The following DHCR24 variants were observed in gnomAD, a reference collection of about 807,000 sequenced individuals.
DHCR24 encodes the protein 24-dehydrocholesterol reductase.
A neutral mutation model predicts 61.2 loss-of-function variants in DHCR24; 28 were observed. The observed-to-expected ratio is 0.46, with a 90% CI of 0.34 to 0.63. The LOEUF is 0.63. Among genes scored for constraint, DHCR24 ranks in the 20% least tolerant of loss-of-function variants. The pLI is 0.01. For missense variants in DHCR24, 538 were observed against 679.1 expected (o/e 0.79, Z 2.31); for synonymous variants, 261 against 275.9 (o/e 0.95, Z 0.54).
At chr1:54,861,517 C>T (rs1471673785) in intron 6 of DHCR24, among the ~76,000 whole-genome samples, 1 of 152,164 alleles carries the variant, frequency 6.6e-6, no homozygotes, top group Non-Finnish European at 1.5e-5. Flanking sequence ...CCCAGGGCAT[C>T]CTGTCCACCA....
At chr1:54,877,367 TCTA>T (rs1161498669) in intron 2 of DHCR24, among the ~76,000 whole-genome samples, 1 of 128,734 alleles carries the variant, frequency 7.8e-6, no homozygotes, top group Non-Finnish European at 1.7e-5. Context: ...CCCTTGGACT[TCTA>T]CTTCTAGCCG....
chr1:54,870,621 A>G (rs945156631), intron 5 of DHCR24, among the ~76,000 whole-genome samples: 1 of 152,234 alleles, frequency 6.6e-6, no homozygotes, highest in Non-Finnish European at 1.5e-5. Context: ...TAATGACAAG[A>G]AAAAAAGTCT....
At chr1:54,874,998 G>A in intron 4 of DHCR24, 95 bp downstream of exon 4, 1 of 1,054,252 alleles carries the variant, frequency 9.5e-7, no homozygotes, top group African/African-American at 1.6e-5. Context: ...ACAGGTACTG[G>A]GAATGAAGCA....
chr1:54,878,514 C>CAAA (rs56198608), intron 2 of DHCR24, among the ~76,000 whole-genome samples: 1 of 54,298 alleles, frequency 1.8e-5, no homozygotes, highest in Non-Finnish European at 3.2e-5. Flanking sequence ...AACTCTGTCT[C>CAAA]AAAAAAAAAA....
At position 54,850,690 on chromosome 1, in the gene DHCR24, C is replaced by T. The variant is rs1217756134; in HGVS notation, c.*1543G>A. The T allele has an allele frequency of 6.6e-6, 1 of 152,208 alleles. No individual in the cohort carries two copies. Among genetic ancestry groups the T allele is most frequent in the Non-Finnish European group, 1.5e-5 (1 of 68,042 alleles). 9.4% of individuals were successfully genotyped at this position (152,208 alleles called of 1,614,324 possible). On this transcript the variant is annotated 3_prime_UTR_variant, in exon 9 of 9. Coordinates refer to ENST00000371269, the MANE Select transcript of DHCR24 (RefSeq NM_014762.4). ...AAGGATCTTGAATGACAGATAATCCCCAAGTGTCCACTGGATCATTTTTCC... is the reference window on the plus strand; with the variant it reads ...AAGGATCTTGAATGACAGATAATCCTCAAGTGTCCACTGGATCATTTTTCC...
intron 5 of DHCR24, among the ~76,000 whole-genome samples, chr1:54,869,136 G>A (rs1193318223): frequency 6.6e-6 from 1 of 152,090 alleles, no homozygotes; most frequent in African/African-American, 2.4e-5. Flanking sequence ...CAAACAAACT[G>A]CAAAATGCTG....
chr1:54,851,770 C>T lies in DHCR24; in HGVS notation c.*463G>A, dbSNP rs1646876375. 1 of 171,450 alleles carries T rather than the reference C, an allele frequency of 5.8e-6. No individual in the cohort carries two copies. Among genetic ancestry groups the T allele is most frequent in the Non-Finnish European group, 1.3e-5 (1 of 79,054 alleles). The allele number at this position is 171,450 out of a possible 1,614,324, so 10.6% of individuals were successfully genotyped here. ...ACTCCAGCGTATCCCCTTCATCATT[C>T]CAGCCATGGCTGTGCACAGGTGACC... is the stretch of plus-strand genomic sequence containing the variant. On this transcript the variant is annotated 3_prime_UTR_variant, in exon 9 of 9. Transcript: ENST00000371269.
At chr1:54,873,826 T>C (rs1647012515) in intron 4 of DHCR24, among the ~76,000 whole-genome samples, 1 of 152,220 alleles carries the variant, frequency 6.6e-6, no homozygotes, top group Non-Finnish European at 1.5e-5. Context: ...ATTTTTGTAT[T>C]GTTTGTAGAC....
intron 6 of DHCR24, among the ~76,000 whole-genome samples, chr1:54,865,046 T>G (rs898912108): frequency 1.3e-5 from 2 of 152,202 alleles, no homozygotes; most frequent in African/African-American, 4.8e-5. Context: ...AACAGGTCTG[T>G]GTTCCCCAAA....
Position 54,874,970 on chromosome 1 carries a change from G to C in DHCR24, c.612+123C>G, listed in dbSNP as rs889579991. ...GGGGCTACACAAATTTTTGTTTACA[G>C]ATATAGACCCAGACTGAACAGGTAC... On this transcript the variant is annotated intron_variant, in intron 4 of 8. Coordinates refer to ENST00000371269, the MANE Select transcript of DHCR24 (RefSeq NM_014762.4). The C allele has an allele frequency of 1.4e-5, 12 of 866,224 alleles. No individual in the cohort carries two copies. In the African/African-American group the frequency reaches 2.0e-4, roughly 14 times the overall value. 53.7% of individuals were successfully genotyped at this position (866,224 alleles called of 1,614,324 possible).
At chr1:54,871,328 A>G (rs1378586706) in intron 5 of DHCR24, 22 bp downstream of exon 5, 1 of 1,613,314 alleles carries the variant, frequency 6.2e-7, no homozygotes, top group Non-Finnish European at 8.5e-7. Flanking sequence ...CTTGGTCAGC[A>G]GCAGCTGACA....
At chr1:54,872,745 C>T (rs551669829) in intron 4 of DHCR24, among the ~76,000 whole-genome samples, 3 of 152,270 alleles carry the variant, frequency 2.0e-5, no homozygotes, top group Admixed American at 6.5e-5. Flanking sequence ...AAAGAATTCA[C>T]AAATGTCAGT....
rs1646878121 is a variant in DHCR24 at position 54,852,055 on chromosome 1, T to C, written c.*178A>G. ...TTGTCTGACTCCAAATCCCACATTCTTTCCATTCCACTGGGCTGCCCCCTG... is the reference window on the plus strand; with the variant it reads ...TTGTCTGACTCCAAATCCCACATTCCTTCCATTCCACTGGGCTGCCCCCTG... On this transcript the variant is annotated 3_prime_UTR_variant, in exon 9 of 9. Transcript: ENST00000371269. The C allele has an allele frequency of 4.4e-6, 3 of 683,498 alleles. No homozygotes were observed. The highest frequency in any genetic ancestry group is 2.4e-6 in the Non-Finnish European group (1 of 408,718). 42.3% of individuals were successfully genotyped at this position (683,498 alleles called of 1,614,324 possible). A position where few individuals can be genotyped will look rare whatever the true frequency, so the allele number is the denominator to read the frequency against.
intron 5 of DHCR24, among the ~76,000 whole-genome samples, chr1:54,865,823 C>G (rs1646965403): frequency 6.6e-6 from 1 of 152,140 alleles, no homozygotes. Flanking sequence ...TCCCCAAGGC[C>G]AGGGAAGCAC....
In DHCR24 at chr1:54,865,372, C is replaced by T. The variant is rs1177198101; in HGVS notation, c.951G>A (p.Glu317=). 2.5e-6 allele frequency: 4 copies of T among 1,614,196 alleles called. No homozygotes were observed. Among genetic ancestry groups the T allele is most frequent in the Non-Finnish European group, 3.4e-6 (4 of 1,180,038 alleles). ...HVENYLKTNR[E]GLEYIPLRHY... Reference sequence around the variant, plus strand: ...GTCTCAAGGGAATGTACTCCAGGCCCTCTCGGTTTGTCTTCAGATAGTTCT... The same window carrying T: ...GTCTCAAGGGAATGTACTCCAGGCCTTCTCGGTTTGTCTTCAGATAGTTCT... Residue 317 remains glutamate (E), a synonymous_variant, in exon 6 of 9, where the codon GAG becomes GAA. Transcript: ENST00000371269.
intron 1 of DHCR24, among the ~76,000 whole-genome samples, chr1:54,885,860 G>T (rs1289996413): frequency 2.0e-5 from 3 of 152,136 alleles, no homozygotes; most frequent in African/African-American, 7.2e-5. Context: ...GGGTGCAGGT[G>T]GGGAGGGAGG....
At chr1:54,880,381 C>T (rs1647057639) in intron 2 of DHCR24, among the ~76,000 whole-genome samples, 1 of 152,196 alleles carries the variant, frequency 6.6e-6, no homozygotes, top group African/African-American at 2.4e-5. Context: ...GAGAGCTTCA[C>T]TTTAAGGTTT....
At chr1:54,877,794 TGA>T (rs1647041587) in intron 2 of DHCR24, among the ~76,000 whole-genome samples, 1 of 151,890 alleles carries the variant, frequency 6.6e-6, no homozygotes, top group Non-Finnish European at 1.5e-5. Context: ...GTGGATCACC[TGA>T]GGTCAGGAGT....
chr1:54,887,134 C>A lies in DHCR24; in HGVS notation c.-15G>T. On this transcript the variant is annotated 5_prime_UTR_variant, in exon 1 of 9. Transcript: ENST00000371269. ...GCGGGCTCCATGGTGCGGCGCCGCG[C>A]GGTAAGCGCTGCGGGTTCGCGCCTC... The A allele has an allele frequency of 6.4e-7, 1 of 1,555,152 alleles. No individual in the cohort carries two copies.
Sources: allele counts gnomAD v4.1 joint callset (sites outside exome capture counted in the v4.1 genomes callset), GRCh38; gene constraint gnomAD v4.1.1; transcripts MANE v1.5; gene names NCBI Gene and HGNC (gene_info 2026-07-23, HGNC 2026-07-21).